The following RIMS1 variants were observed in gnomAD, a reference collection of about 807,000 sequenced individuals.
The protein encoded by RIMS1 is regulating synaptic membrane exocytosis protein 1.
In RIMS1, 83 loss-of-function variants were observed where a neutral mutation model predicts 214.1. That is an observed-to-expected ratio of 0.39 (90% CI 0.32 to 0.47). RIMS1 has a LOEUF of 0.47. RIMS1 is among the 20% of genes least tolerant of loss of function. The pLI is 0.99. For synonymous variants in RIMS1, 793 were observed against 786.8 expected, an observed-to-expected ratio of 1.01 and a Z score of -0.13; for missense variants, 2,050 against 2,161.8, an observed-to-expected ratio of 0.95 and a Z score of 1.03.
chr6:71,976,994 T>G (rs556279363), intron 2 of RIMS1, among the ~76,000 whole-genome samples: 1 of 152,284 alleles, frequency 6.6e-6, no homozygotes, highest in East Asian at 1.9e-4. Context: ...CTTTAAGCTC[T>G]GCATACTAGA....
intron 2 of RIMS1, among the ~76,000 whole-genome samples, chr6:71,999,452 G>A (rs1437926050): frequency 6.6e-6 from 1 of 152,050 alleles, no homozygotes; most frequent in African/African-American, 2.4e-5. Context: ...CAAAGATAAG[G>A]ATATGAAATG....
At chr6:72,291,888 C>T in intron 25 of RIMS1, 46 bp from the exon 26 acceptor site, 1 of 1,398,022 alleles carries the variant, frequency 7.2e-7, no homozygotes, top group East Asian at 2.5e-5. Context: ...TGTCAGACCA[C>T]ATTGGAATTT....
chr6:72,100,782 T>C (rs1362517743), intron 4 of RIMS1, among the ~76,000 whole-genome samples: 1 of 152,006 alleles, frequency 6.6e-6, no homozygotes, highest in Non-Finnish European at 1.5e-5. Flanking sequence ...ATATATCAAC[T>C]GAGCTGCCTT....
intron 28 of RIMS1, among the ~76,000 whole-genome samples, chr6:72,327,631 A>G (rs1002821670): frequency 6.6e-6 from 1 of 151,794 alleles, no homozygotes; most frequent in Non-Finnish European, 1.5e-5. Flanking sequence ...CATCCCCATC[A>G]GCAATGTTGA....
At chr6:72,325,394 A>G (rs2096406957) in intron 28 of RIMS1, among the ~76,000 whole-genome samples, 1 of 151,492 alleles carries the variant, frequency 6.6e-6, no homozygotes, top group African/African-American at 2.4e-5. Flanking sequence ...TAGCTTAAAA[A>G]CAATTACAGT....
chr6:71,927,474 G>A (rs1254944167), intron 1 of RIMS1, among the ~76,000 whole-genome samples: 4 of 152,084 alleles, frequency 2.6e-5, no homozygotes. Context: ...GGCTAGTCTT[G>A]GGTGAATAAA....
chr6:72,003,160 G>C (rs551069393), intron 2 of RIMS1, among the ~76,000 whole-genome samples: 1 of 152,266 alleles, frequency 6.6e-6, no homozygotes, highest in East Asian at 1.9e-4. Context: ...GACTGTGATA[G>C]GTTGGGTATA....
chr6:72,119,624 A>T (rs956788878), intron 4 of RIMS1, among the ~76,000 whole-genome samples: 3 of 151,798 alleles, frequency 2.0e-5, no homozygotes, highest in African/African-American at 7.2e-5. Flanking sequence ...ACAATAGAGA[A>T]TCAAGACATA....
intron 2 of RIMS1, 76 bp downstream of exon 2, chr6:71,969,139 G>C (rs1465455883): frequency 7.5e-7 from 1 of 1,333,440 alleles, no homozygotes; most frequent in African/African-American, 1.4e-5. Context: ...TATTCACATT[G>C]CATGTGAGAG....
intron 4 of RIMS1, among the ~76,000 whole-genome samples, chr6:72,137,020 A>T (rs2041396657): frequency 6.6e-6 from 1 of 152,046 alleles, no homozygotes; most frequent in Non-Finnish European, 1.5e-5. Context: ...AATAAAATAA[A>T]ATAACTAGAA....
intron 2 of RIMS1, among the ~76,000 whole-genome samples, chr6:72,016,476 A>G (rs1438248710): frequency 2.0e-5 from 3 of 152,130 alleles, no homozygotes; most frequent in Non-Finnish European, 4.4e-5. Flanking sequence ...GCTGTTGTAG[A>G]TAGGAAGAAA....
intron 2 of RIMS1, among the ~76,000 whole-genome samples, chr6:72,037,213 T>C (rs1262330575): frequency 6.6e-6 from 1 of 151,734 alleles, no homozygotes; most frequent in African/African-American, 2.4e-5. Flanking sequence ...TAGCAGCTCG[T>C]GGGTGGGTGT....
chr6:72,237,875 A>C lies in RIMS1; in HGVS notation c.1910A>C (p.Lys637Thr). The C allele has an allele frequency of 6.2e-7, 1 of 1,613,596 alleles. No individual in the cohort carries two copies. Among genetic ancestry groups the C allele is most frequent in the Non-Finnish European group, 8.5e-7 (1 of 1,179,718 alleles). ...GGACGACTTGGTGCTTTCATCACCA[A>C]AGTAAAGAAGGGTAGCCTAGCAGAT... ...DLGRLGAFIT[K>T]VKKGSLADVV... Residue 637 changes from lysine (K) to threonine (T), a missense_variant, in exon 9 of 34, where the codon AAA (lysine) becomes ACA (threonine). By Grantham distance (78) the Lys-to-Thr change is moderately conservative. This residue lies in a region of RIMS1 where 111 missense variants were observed against 166.2 expected (regional missense o/e 0.67). Coordinates refer to ENST00000521978, the MANE Select transcript of RIMS1 (RefSeq NM_014989.7).
intron 1 of RIMS1, among the ~76,000 whole-genome samples, chr6:71,913,299 A>G (rs888431623): frequency 1.3e-5 from 2 of 152,172 alleles, no homozygotes; most frequent in African/African-American, 4.8e-5. Context: ...CCATAGACAA[A>G]TAGATGAATT....
At chr6:72,110,245 A>C (rs1256466547) in intron 4 of RIMS1, among the ~76,000 whole-genome samples, 2 of 152,170 alleles carry the variant, frequency 1.3e-5, no homozygotes, top group Non-Finnish European at 2.9e-5. Context: ...GAAGAAAGTC[A>C]TTGGTAGCTT....
intron 1 of RIMS1, among the ~76,000 whole-genome samples, chr6:71,959,684 G>A (rs187692445): frequency 2.8e-4 from 42 of 151,904 alleles, no homozygotes; most frequent in African/African-American, 1.0e-3. Flanking sequence ...ATATGGGAAG[G>A]GGATGTGAAT....
chr6:72,294,898 G>A (rs375149140), intron 26 of RIMS1, among the ~76,000 whole-genome samples: 83 of 151,760 alleles, frequency 5.5e-4, no homozygotes, highest in African/African-American at 1.8e-3. Context: ...TGAAACAGTA[G>A]CCTTATAATT....
At chr6:72,060,843 C>T (rs1827660783) in intron 2 of RIMS1, among the ~76,000 whole-genome samples, 1 of 152,154 alleles carries the variant, frequency 6.6e-6, no homozygotes, top group African/African-American at 2.4e-5. Context: ...AACTACTGGA[C>T]AGGGTCTAAA....
At chr6:71,995,796 ATT>A (rs533346761) in intron 2 of RIMS1, among the ~76,000 whole-genome samples, 1 of 150,848 alleles carries the variant, frequency 6.6e-6, no homozygotes, top group South Asian at 2.1e-4. Context: ...CTATTCACAT[ATT>A]TTTTTTTAGA....
Sources: gnomAD v4.1 joint callset for allele counts (sites outside exome capture counted in the v4.1 genomes callset) on GRCh38, gnomAD v4.1.1 for gene constraint, gnomAD v4.1.1 regional missense constraint, MANE v1.5 for transcripts, NCBI Gene and HGNC (gene_info 2026-07-23, HGNC 2026-07-21) for gene names.